The following CSMD1 variants were observed in gnomAD, a reference collection of about 807,000 sequenced individuals.
CSMD1 encodes CUB and Sushi multiple domains 1.
A neutral mutation model predicts 417.5 loss-of-function variants in CSMD1; 213 were observed. The ratio of observed to expected loss-of-function variants is 0.51; its 90% CI spans 0.46 to 0.57. The LOEUF is 0.57. Ranked by LOEUF, CSMD1 falls within the 20% of genes least tolerant of loss-of-function variation. The pLI is 0.00. For missense variants in CSMD1, 6,923 were observed against 4,529.7 expected (o/e 1.53, Z -15.17); for synonymous variants, 2,862 against 1,736.8 (o/e 1.65, Z -16.11).
chr8:4,161,849 T>A (rs1457183821), intron 3 of CSMD1, among the ~76,000 whole-genome samples: 1 of 152,222 alleles, frequency 6.6e-6, no homozygotes, highest in Non-Finnish European at 1.5e-5. Context: ...CATTTTTTTC[T>A]TTGCCATAGA....
chr8:3,906,965 G>T (rs547304479), intron 5 of CSMD1, among the ~76,000 whole-genome samples: 1 of 152,128 alleles, frequency 6.6e-6, no homozygotes, highest in Non-Finnish European at 1.5e-5. Flanking sequence ...CCAGTTATCA[G>T]ACAACTGAAA....
intron 5 of CSMD1, among the ~76,000 whole-genome samples, chr8:3,850,134 A>C (rs900895003): frequency 2.0e-5 from 3 of 152,234 alleles, no homozygotes; most frequent in Non-Finnish European, 4.4e-5. Flanking sequence ...CGATGTCGCC[A>C]TTCTTAGGGC....
At chr8:3,689,933 A>G (rs1008771849) in intron 7 of CSMD1, among the ~76,000 whole-genome samples, 12 of 152,376 alleles carry the variant, frequency 7.9e-5, no homozygotes, top group Middle Eastern at 3.4e-3. Context: ...ACGTTCATCA[A>G]TTAAGTAGTA....
chr8:4,347,957 A>C (rs1321052688), intron 3 of CSMD1, among the ~76,000 whole-genome samples: 1 of 152,188 alleles, frequency 6.6e-6, no homozygotes, highest in Non-Finnish European at 1.5e-5. Flanking sequence ...GAGGCACAGA[A>C]GAATTTATAC....
intron 5 of CSMD1, among the ~76,000 whole-genome samples, chr8:3,763,872 C>T (rs906530195): frequency 2.0e-5 from 3 of 152,160 alleles, no homozygotes; most frequent in Non-Finnish European, 4.4e-5. Context: ...AGCCTTAGAC[C>T]TCAGCACCCC....
intron 3 of CSMD1, among the ~76,000 whole-genome samples, chr8:4,170,196 TTC>T (rs1031287846): frequency 3.3e-5 from 5 of 151,850 alleles, no homozygotes; most frequent in Non-Finnish European, 5.9e-5. Flanking sequence ...GTCCACGCGT[TTC>T]TCTCTGCAGA....
At chr8:2,958,893 A>G (rs1005965763) in intron 62 of CSMD1, among the ~76,000 whole-genome samples, 1 of 152,270 alleles carries the variant, frequency 6.6e-6, no homozygotes, top group Non-Finnish European at 1.5e-5. Flanking sequence ...AAGAATAACT[A>G]CAAGTAAAAT....
At chr8:3,444,425 C>G (rs566192622) in intron 12 of CSMD1, among the ~76,000 whole-genome samples, 25 of 152,204 alleles carry the variant, frequency 1.6e-4, no homozygotes, top group Admixed American at 1.6e-3. Context: ...GAGTTCTTTC[C>G]TAACAATACA....
At chr8:3,279,524 C>A (rs139283893) in intron 26 of CSMD1, among the ~76,000 whole-genome samples, 1 of 152,156 alleles carries the variant, frequency 6.6e-6, no homozygotes, top group Admixed American at 6.5e-5. Flanking sequence ...GTACGTATGA[C>A]AATCCCAGTG....
chr8:3,986,490 C>G (rs569145777), intron 5 of CSMD1, among the ~76,000 whole-genome samples: 19 of 152,266 alleles, frequency 1.2e-4, no homozygotes, highest in African/African-American at 4.6e-4. Flanking sequence ...ACTTCCCTGG[C>G]TACCAAAAGC....
At chr8:4,204,773 G>A (rs550659622) in intron 3 of CSMD1, among the ~76,000 whole-genome samples, 5 of 152,064 alleles carry the variant, frequency 3.3e-5, no homozygotes, top group Non-Finnish European at 7.4e-5. Flanking sequence ...TCCTGCCTCA[G>A]CCTCCTGAGT....
rs1651531481 is a variant in CSMD1 at position 2,957,742 on chromosome 8, G to A, written c.9768C>T (p.Thr3256=). The A allele has an allele frequency of 6.2e-7, 1 of 1,600,114 alleles. No homozygotes were observed. Residue 3256 remains threonine, a synonymous_variant, in exon 63 of 70, where the codon ACC becomes ACT. Coordinates refer to ENST00000635120, the MANE Select transcript of CSMD1 (RefSeq NM_033225.6). ...CACTCCATGTTAAATTGGCAAGGCA[G>A]GTGCGAGTCGTGGAACCTTGAATAT... ...GYHIQGSTTR[T]CLANLTWSGI...
At chr8:4,170,485 C>T (rs551182280) in intron 3 of CSMD1, among the ~76,000 whole-genome samples, 1 of 151,970 alleles carries the variant, frequency 6.6e-6, no homozygotes, top group East Asian at 1.9e-4. Context: ...TTCCTTCTGA[C>T]TGTAATGAGA....
At chr8:3,431,529 G>C (rs1814217063) in intron 12 of CSMD1, among the ~76,000 whole-genome samples, 1 of 152,168 alleles carries the variant, frequency 6.6e-6, no homozygotes, top group East Asian at 1.9e-4. Context: ...TTTTCCAGTA[G>C]TGCATGCCTC....
intron 2 of CSMD1, among the ~76,000 whole-genome samples, chr8:4,571,020 G>A (rs557410710): frequency 6.6e-6 from 1 of 152,024 alleles, no homozygotes; most frequent in Non-Finnish European, 1.5e-5. Context: ...ATGTCTATTT[G>A]ATTCTTCTCT....
intron 1 of CSMD1, among the ~76,000 whole-genome samples, chr8:4,692,082 T>A (rs1806804754): frequency 6.6e-6 from 1 of 152,202 alleles, no homozygotes; most frequent in Admixed American, 6.5e-5. Flanking sequence ...CAAATGGGAC[T>A]TGCTGTATGC....
chr8:4,396,064 C>T (rs1804186287), intron 3 of CSMD1, among the ~76,000 whole-genome samples: 1 of 152,162 alleles, frequency 6.6e-6, no homozygotes, highest in Admixed American at 6.5e-5. Flanking sequence ...TGGCATGCAT[C>T]ACCCATTTCT....
intron 1 of CSMD1, among the ~76,000 whole-genome samples, chr8:4,720,624 C>T (rs1442623789): frequency 6.6e-6 from 1 of 152,176 alleles, no homozygotes; most frequent in Non-Finnish European, 1.5e-5. Flanking sequence ...ACCATGTTGG[C>T]CAGGCTGCTC....
intron 11 of CSMD1, among the ~76,000 whole-genome samples, chr8:3,472,517 A>G (rs975300853): frequency 1.3e-5 from 2 of 152,030 alleles, no homozygotes; most frequent in Non-Finnish European, 2.9e-5. Flanking sequence ...GATCAATCCA[A>G]CCATCCACTC....
Sources: allele counts gnomAD v4.1 joint callset (sites outside exome capture counted in the v4.1 genomes callset), GRCh38; gene constraint gnomAD v4.1.1; transcripts MANE v1.5; gene names NCBI Gene and HGNC (gene_info 2026-07-23, HGNC 2026-07-21).